KCNMB4: variants seen among roughly 807,000 people sequenced by gnomAD.
KCNMB4 encodes calcium-activated potassium channel subunit beta-4.
Under a neutral mutation model 20.7 loss-of-function variants are expected in KCNMB4, and 3 were observed. That is an observed-to-expected ratio of 0.14 (90% CI 0.07 to 0.37). KCNMB4 has a LOEUF of 0.37. Ranked by LOEUF, KCNMB4 falls within the 10% of genes least tolerant of loss-of-function variation. The pLI is 1.00. For missense variants in KCNMB4, 168 were observed against 265.9 expected, an observed-to-expected ratio of 0.63 and a Z score of 2.56; for synonymous variants, 110 against 113.4, an observed-to-expected ratio of 0.97 and a Z score of 0.19.
chr12:70,410,525 C>T (rs1025990232), intron 2 of KCNMB4, among the ~76,000 whole-genome samples: 4 of 152,200 alleles, frequency 2.6e-5, no homozygotes, highest in Non-Finnish European at 5.9e-5. Flanking sequence ...ATTAATTGTA[C>T]GACCTTGGAT....
intron 1 of KCNMB4, among the ~76,000 whole-genome samples, chr12:70,379,947 C>T (rs1215252052): frequency 2.0e-5 from 3 of 152,202 alleles, no homozygotes; most frequent in Admixed American, 6.5e-5. Context: ...TCTTATCATT[C>T]GTGTGTTCAC....
chr12:70,411,229 G>A (rs1401642697), intron 2 of KCNMB4, among the ~76,000 whole-genome samples: 1 of 152,080 alleles, frequency 6.6e-6, no homozygotes, highest in Non-Finnish European at 1.5e-5. Flanking sequence ...TCCTAATGGT[G>A]AAAGGGAGAG....
At chr12:70,417,639 A>G (rs1351797224) in intron 2 of KCNMB4, among the ~76,000 whole-genome samples, 36 of 152,348 alleles carry the variant, frequency 2.4e-4, no homozygotes, top group Non-Finnish European at 2.9e-4. Context: ...TACATCCATG[A>G]TATTTGCAAT....
intron 1 of KCNMB4, among the ~76,000 whole-genome samples, chr12:70,390,457 T>C (rs1359567699): frequency 6.6e-6 from 1 of 152,206 alleles, no homozygotes; most frequent in Non-Finnish European, 1.5e-5. Context: ...CACTTGTTTC[T>C]CAAAAGGAGA....
chr12:70,367,251 T>C (rs1262960421), intron 1 of KCNMB4, among the ~76,000 whole-genome samples, 181 bp downstream of exon 1: 3 of 152,046 alleles, frequency 2.0e-5, no homozygotes, highest in Admixed American at 2.0e-4. Context: ...TCCGGTCTTT[T>C]CAGGTGGGTT....
intron 1 of KCNMB4, among the ~76,000 whole-genome samples, chr12:70,378,821 G>A (rs1246557337): frequency 6.6e-6 from 1 of 152,116 alleles, no homozygotes; most frequent in Admixed American, 6.6e-5. Context: ...ACAGGTGTAA[G>A]CCACCACACC....
At chr12:70,394,140 A>G (rs1414161014) in intron 1 of KCNMB4, among the ~76,000 whole-genome samples, 2 of 152,154 alleles carry the variant, frequency 1.3e-5, no homozygotes, top group Non-Finnish European at 2.9e-5. Flanking sequence ...GTAATAGCTA[A>G]TCTTTGTTTC....
At chr12:70,404,245 GT>G (rs879865783) in intron 2 of KCNMB4, among the ~76,000 whole-genome samples, 89 of 146,510 alleles carry the variant, frequency 6.1e-4, no homozygotes, top group African/African-American at 1.3e-3. Flanking sequence ...TTTGTCAAAA[GT>G]TTTTTTTTTT....
At chr12:70,405,373 A>C (rs1868570721) in intron 2 of KCNMB4, among the ~76,000 whole-genome samples, 1 of 152,228 alleles carries the variant, frequency 6.6e-6, no homozygotes, top group Non-Finnish European at 1.5e-5. Flanking sequence ...AATGGCTGAC[A>C]GGTATATGAA....
intron 1 of KCNMB4, among the ~76,000 whole-genome samples, chr12:70,369,932 C>T (rs1883561123): frequency 6.6e-6 from 1 of 152,162 alleles, no homozygotes; most frequent in South Asian, 2.1e-4. Context: ...TCGGGGTCAA[C>T]TTCCTCTTGC....
At chr12:70,403,827 C>G (rs954524776) in intron 2 of KCNMB4, among the ~76,000 whole-genome samples, 1 of 152,178 alleles carries the variant, frequency 6.6e-6, no homozygotes, top group African/African-American at 2.4e-5. Flanking sequence ...AGGCTGCACA[C>G]TTGTTAAGGG....
In KCNMB4 at chr12:70,433,831, A is replaced by G. The variant is rs1869428645; in HGVS notation, c.*3178A>G. ...TGGCCACTAGTTTGACCTCTAGGAA[A>G]GTCTTGCTCGTCAGCTTCTGTGGCC... On this transcript the variant is annotated 3_prime_UTR_variant, in exon 3 of 3. Coordinates refer to ENST00000258111, the MANE Select transcript of KCNMB4 (RefSeq NM_014505.6). 6.6e-6 allele frequency: 1 copy of G among 152,228 alleles called. No individual in the cohort carries two copies. The highest frequency in any genetic ancestry group is 6.5e-5 in the Admixed American group (1 of 15,280). 9.4% of individuals were successfully genotyped at this position (152,228 alleles called of 1,614,324 possible).
At chr12:70,408,825 A>G (rs370032407) in intron 2 of KCNMB4, among the ~76,000 whole-genome samples, 1 of 151,312 alleles carries the variant, frequency 6.6e-6, no homozygotes, top group Middle Eastern at 3.4e-3. Flanking sequence ...TCATGTTTTC[A>G]TTTTTTTTCT....
Position 70,366,693 on chromosome 12 carries a change from AGGGGGCGGGG to A in KCNMB4, c.-39_-30del. 1 of 1,170,438 alleles carries A rather than the reference AGGGGGCGGGG, an allele frequency of 8.5e-7. No homozygotes were observed. 72.5% of individuals were successfully genotyped at this position (1,170,438 alleles called of 1,614,324 possible). ...AGTCGGGCTCGGCGCCGGGGGCGGGAGGGGGCGGGGGGAGCACGCCAGCCGCCGAGAGTGG... is the reference window on the plus strand; with the variant it reads ...AGTCGGGCTCGGCGCCGGGGGCGGGAGGAGCACGCCAGCCGCCGAGAGTGG... On this transcript the variant is annotated 5_prime_UTR_variant, in exon 1 of 3. Coordinates refer to ENST00000258111, the MANE Select transcript of KCNMB4 (RefSeq NM_014505.6).
intron 2 of KCNMB4, among the ~76,000 whole-genome samples, chr12:70,405,371 A>G (rs1009967353): frequency 1.3e-5 from 2 of 152,232 alleles, no homozygotes; most frequent in Non-Finnish European, 2.9e-5. Flanking sequence ...TAAATGGCTG[A>G]CAGGTATATG....
intron 1 of KCNMB4, among the ~76,000 whole-genome samples, chr12:70,390,537 C>T (rs368708514): frequency 4.7e-4 from 72 of 152,232 alleles, no homozygotes; most frequent in African/African-American, 1.3e-3. Flanking sequence ...TCCATATATC[C>T]GCTGATCTGT....
chr12:70,376,558 C>A (rs1021412846), intron 1 of KCNMB4, among the ~76,000 whole-genome samples: 13 of 151,856 alleles, frequency 8.6e-5, no homozygotes. Flanking sequence ...AATGAACAAT[C>A]CTAAAATGAA....
chr12:70,403,346 T>A (rs1000834225), intron 2 of KCNMB4, among the ~76,000 whole-genome samples: 3 of 151,832 alleles, frequency 2.0e-5, no homozygotes, highest in Non-Finnish European at 4.4e-5. Flanking sequence ...CTTTTTGTTT[T>A]GTTTGAGTAG....
At chr12:70,414,379 C>T (rs1179869970) in intron 2 of KCNMB4, among the ~76,000 whole-genome samples, 1 of 152,022 alleles carries the variant, frequency 6.6e-6, no homozygotes, top group Non-Finnish European at 1.5e-5. Flanking sequence ...GGAGGTAGAC[C>T]ATATTGTCCA....
Sources: gnomAD v4.1 joint callset for allele counts (sites outside exome capture counted in the v4.1 genomes callset) on GRCh38, gnomAD v4.1.1 for gene constraint, MANE v1.5 for transcripts, NCBI Gene and HGNC (gene_info 2026-07-23, HGNC 2026-07-21) for gene names.